Variants in RBM11 observed in about 807,000 individuals in gnomAD.
RBM11 encodes the protein RNA binding motif protein 11.
RBM11 carries 18 observed loss-of-function variants against 21.4 expected under a neutral mutation model. The ratio of observed to expected loss-of-function variants is 0.84; its 90% CI spans 0.58 to 1.25. RBM11 has a LOEUF of 1.25. Ranked by LOEUF, RBM11 falls within the 50% of genes most tolerant of loss-of-function variation. RBM11 has a pLI of 0.00. For synonymous variants in RBM11, 120 were observed against 116.3 expected, an observed-to-expected ratio of 1.03 and a Z score of -0.20; for missense variants, 294 against 331.9, an observed-to-expected ratio of 0.89 and a Z score of 0.89.
chr21:14,226,464 C>A (rs773578504), intron 4 of RBM11, among the ~76,000 whole-genome samples: 10 of 151,886 alleles, frequency 6.6e-5, no homozygotes, highest in Admixed American at 1.3e-4. Flanking sequence ...ACTAAAAATA[C>A]AAAAATTAGC....
chr21:14,227,477 A>G lies in RBM11; in HGVS notation c.*184A>G, dbSNP rs561667670. 4.1e-5 allele frequency: 25 copies of G among 611,894 alleles called. No homozygotes were observed. Among genetic ancestry groups the G allele is most frequent in the Admixed American group, 7.1e-5 (2 of 28,310 alleles). The allele number at this position is 611,894 out of a possible 1,614,324, so 37.9% of individuals were successfully genotyped here. A position where few individuals can be genotyped will look rare whatever the true frequency, so the allele number is the denominator to read the frequency against. On this transcript the variant is annotated 3_prime_UTR_variant, in exon 5 of 5. Transcript: ENST00000400577. ...ACGACAAAAGCTTTCTAAAAATAGT[A>G]TAATGTACCACTTTTTGTATTTGTC...
At chr21:14,226,193 A>G (rs968624238) in intron 4 of RBM11, among the ~76,000 whole-genome samples, 5 of 152,194 alleles carry the variant, frequency 3.3e-5, no homozygotes, top group Non-Finnish European at 5.9e-5. Flanking sequence ...AGAAAAAGTA[A>G]AATATCTCAT....
At chr21:14,219,765 G>A (rs753109799) in intron 2 of RBM11, 40 bp downstream of exon 2, 1 of 1,512,400 alleles carries the variant, frequency 6.6e-7, no homozygotes, top group Non-Finnish European at 9.0e-7. Context: ...GTGTTTTGTG[G>A]TTGGTACTAT....
intron 1 of RBM11, among the ~76,000 whole-genome samples, chr21:14,219,232 T>G (rs1366084675): frequency 6.6e-6 from 1 of 152,212 alleles, no homozygotes; most frequent in Non-Finnish European, 1.5e-5. Flanking sequence ...TGAATGTGTA[T>G]GGAGACAAAG....
At chr21:14,223,046 G>A (rs1051507399) in intron 3 of RBM11, among the ~76,000 whole-genome samples, 1 of 152,056 alleles carries the variant, frequency 6.6e-6, no homozygotes, top group Non-Finnish European at 1.5e-5. Flanking sequence ...AGATTTAGAC[G>A]GAAGAGAAAA....
intron 4 of RBM11, 50 bp downstream of exon 4, chr21:14,224,587 A>G (rs1380039595): frequency 1.9e-5 from 29 of 1,506,922 alleles, no homozygotes; most frequent in Non-Finnish European, 2.5e-5. Context: ...ACAAACTATG[A>G]AGAACATAAA....
rs756359788 is a variant in RBM11, at chr21:14,216,287, C to G, written c.96+5C>G. 4.8e-5 allele frequency: 78 copies of G among 1,612,310 alleles called. No individual in the cohort carries two copies. Among genetic ancestry groups the G allele is most frequent in the Non-Finnish European group, 6.1e-5 (72 of 1,179,122 alleles). Reference sequence around the variant, plus strand: ...CTGTACGAGCTGTTCCTTCAGGTACCGTCTCTGGGAAGGGGCGGCGGAGGG... The same window carrying G: ...CTGTACGAGCTGTTCCTTCAGGTACGGTCTCTGGGAAGGGGCGGCGGAGGG... On this transcript the variant is annotated splice_donor_5th_base_variant and intron_variant, in intron 1 of 4. Transcript: ENST00000400577.
intron 3 of RBM11, among the ~76,000 whole-genome samples, chr21:14,224,110 G>A (rs951600895): frequency 6.6e-6 from 1 of 152,132 alleles, no homozygotes; most frequent in African/African-American, 2.4e-5. Context: ...AAAACAGTCT[G>A]TCTTCAAATT....
chr21:14,217,787 A>G (rs1008903186), intron 1 of RBM11, among the ~76,000 whole-genome samples: 1 of 152,180 alleles, frequency 6.6e-6, no homozygotes, highest in African/African-American at 2.4e-5. Context: ...ATTTTTCTCC[A>G]GAAGACTTCT....
intron 3 of RBM11, among the ~76,000 whole-genome samples, chr21:14,223,062 G>A (rs1398531489): frequency 6.6e-6 from 1 of 152,180 alleles, no homozygotes; most frequent in Non-Finnish European, 1.5e-5. Flanking sequence ...GAAAAGACTA[G>A]ATGGGCACTA....
chr21:14,219,141 A>G (rs1031815462), intron 1 of RBM11, among the ~76,000 whole-genome samples: 5 of 152,200 alleles, frequency 3.3e-5, no homozygotes, highest in African/African-American at 1.2e-4. Context: ...TTAAACTATG[A>G]TATAACATCG....
Position 14,224,482 on chromosome 21 carries a change from AT to A in RBM11, c.381del (p.Pro128GlnfsTer33). 1 of 1,562,774 alleles carries A rather than the reference AT, an allele frequency of 6.4e-7. No individual in the cohort carries two copies. The highest frequency in any genetic ancestry group is 1.9e-5 in the Admixed American group (1 of 52,692). Reference sequence around the variant, plus strand: ...GGCAGATCTTCCTTTCCCATGCAGTATTTTCCAATTAATAATACTTCTTTAC... The same window carrying A: ...GGCAGATCTTCCTTTCCCATGCAGTATTTCCAATTAATAATACTTCTTTAC... ...LVGRSSFPMQ[Y>X]FPINNTSLPQ... On this transcript the variant is annotated frameshift_variant, in exon 4 of 5. Coordinates refer to ENST00000400577, the MANE Select transcript of RBM11 (RefSeq NM_144770.5). LOFTEE classifies it high-confidence loss of function.
At chr21:14,224,069 G>A (rs1018589665) in intron 3 of RBM11, among the ~76,000 whole-genome samples, 34 of 152,080 alleles carry the variant, frequency 2.2e-4, no homozygotes, top group African/African-American at 8.0e-4. Flanking sequence ...ATAACAAACA[G>A]GTATTGTGTT....
chr21:14,222,910 G>A (rs1978793609), intron 3 of RBM11, among the ~76,000 whole-genome samples: 1 of 152,182 alleles, frequency 6.6e-6, no homozygotes, highest in African/African-American at 2.4e-5. Context: ...TAAAGGGGGG[G>A]AAGCACTATC....
intron 1 of RBM11, among the ~76,000 whole-genome samples, chr21:14,217,716 T>C (rs1285832969): frequency 6.6e-6 from 1 of 152,070 alleles, no homozygotes; most frequent in Non-Finnish European, 1.5e-5. Flanking sequence ...TAAAACTTAC[T>C]ATATTAAGTT....
At chr21:14,217,777 A>G (rs1439570268) in intron 1 of RBM11, among the ~76,000 whole-genome samples, 2 of 152,114 alleles carry the variant, frequency 1.3e-5, no homozygotes, top group South Asian at 2.1e-4. Flanking sequence ...ACTTAGAGTT[A>G]TTTTTCTCCA....
At chr21:14,224,168 C>T (rs958410483) in intron 3 of RBM11, among the ~76,000 whole-genome samples, 1 of 152,136 alleles carries the variant, frequency 6.6e-6, no homozygotes, top group South Asian at 2.1e-4. Flanking sequence ...GGCACCCATC[C>T]TGTTCCAATA....
At chr21:14,221,063 C>A in intron 2 of RBM11, 34 bp from the exon 3 acceptor site, 2 of 1,519,660 alleles carry the variant, frequency 1.3e-6, no homozygotes, top group Non-Finnish European at 1.8e-6. Flanking sequence ...AAAAATGTAC[C>A]ATGAAGTAAC....
At chr21:14,226,492 G>A (rs183310715) in intron 4 of RBM11, among the ~76,000 whole-genome samples, 2,079 of 151,896 alleles carry the variant, frequency 0.014, 40 homozygotes, top group African/African-American at 0.046. Context: ...GGTGGCGTGT[G>A]CCTGTAGTCC....
Sources: gnomAD v4.1 joint callset for allele counts (sites outside exome capture counted in the v4.1 genomes callset) on GRCh38, gnomAD v4.1.1 for gene constraint, MANE v1.5 for transcripts, NCBI Gene and HGNC (gene_info 2026-07-23, HGNC 2026-07-21) for gene names.